NKAIN2: variants seen among roughly 807,000 people sequenced by gnomAD.
The protein encoded by NKAIN2 is sodium/potassium-transporting ATPase subunit beta-1-interacting protein 2.
A neutral mutation model predicts 32.6 loss-of-function variants in NKAIN2; 14 were observed. That is an observed-to-expected ratio of 0.43 (90% CI 0.28 to 0.67). The LOEUF is 0.67. Among genes scored for constraint, NKAIN2 ranks in the 30% least tolerant of loss-of-function variants. The probability of loss-of-function intolerance (pLI) is 0.17; values close to 1 mark genes in which losing one functional copy is unlikely to be tolerated. For synonymous variants in NKAIN2, 80 were observed against 87.2 expected (o/e 0.92, Z 0.46); for missense variants, 198 against 258.3 (o/e 0.77, Z 1.60).
intron 1 of NKAIN2, among the ~76,000 whole-genome samples, chr6:124,185,230 A>C (rs2114560743): frequency 6.6e-6 from 1 of 152,200 alleles, no homozygotes; most frequent in East Asian, 1.9e-4. Flanking sequence ...ATCGTACAGT[A>C]GTTTTGTGCA....
At chr6:124,604,817 G>A (rs544448734) in intron 3 of NKAIN2, among the ~76,000 whole-genome samples, 60 of 151,862 alleles carry the variant, frequency 4.0e-4, no homozygotes, top group Non-Finnish European at 6.3e-4. Context: ...TAAGCTCTAG[G>A]CTCAGTGGCC....
intron 1 of NKAIN2, among the ~76,000 whole-genome samples, chr6:124,130,581 G>A (rs966841849): frequency 7.4e-5 from 11 of 149,584 alleles, no homozygotes; most frequent in Admixed American, 5.4e-4. Context: ...ATATCATATA[G>A]GTATGGTAAG....
At chr6:124,493,710 C>CG (rs1442423771) in intron 3 of NKAIN2, among the ~76,000 whole-genome samples, 10 of 105,274 alleles carry the variant, frequency 9.5e-5, no homozygotes, top group African/African-American at 2.0e-4. Flanking sequence ...ACACCAACCC[C>CG]CCCCTCCAAA....
At chr6:124,209,661 A>G (rs1348104165) in intron 1 of NKAIN2, among the ~76,000 whole-genome samples, 1 of 151,926 alleles carries the variant, frequency 6.6e-6, no homozygotes, top group Non-Finnish European at 1.5e-5. Context: ...AACAATGGTA[A>G]GATGATCTCA....
chr6:123,845,624 C>CTGGA (rs1409529945), intron 1 of NKAIN2, among the ~76,000 whole-genome samples: 1 of 152,158 alleles, frequency 6.6e-6, no homozygotes, highest in East Asian at 1.9e-4. Context: ...ACAGTATTTT[C>CTGGA]TGGATGTGAA....
chr6:124,087,788 C>A (rs908584174), intron 1 of NKAIN2, among the ~76,000 whole-genome samples: 1 of 151,906 alleles, frequency 6.6e-6, no homozygotes, highest in Non-Finnish European at 1.5e-5. Flanking sequence ...AATTAGCATG[C>A]CTTATTAGCA....
At chr6:124,148,582 T>C (rs1787545317) in intron 1 of NKAIN2, among the ~76,000 whole-genome samples, 1 of 152,190 alleles carries the variant, frequency 6.6e-6, no homozygotes, top group South Asian at 2.1e-4. Flanking sequence ...CAATATGTGG[T>C]GTTTGGGACT....
intron 3 of NKAIN2, among the ~76,000 whole-genome samples, chr6:124,409,727 T>G (rs969024175): frequency 6.6e-6 from 1 of 152,208 alleles, no homozygotes; most frequent in African/African-American, 2.4e-5. Flanking sequence ...TAGGGAGGAT[T>G]CCCTCTTTTT....
intron 3 of NKAIN2, among the ~76,000 whole-genome samples, chr6:124,392,235 A>T (rs975854192): frequency 6.6e-6 from 1 of 152,150 alleles, no homozygotes; most frequent in Non-Finnish European, 1.5e-5. Flanking sequence ...TTAAAATGGT[A>T]GTTCACACAA....
At chr6:123,900,786 CT>C (rs1413173875) in intron 1 of NKAIN2, among the ~76,000 whole-genome samples, 1 of 151,930 alleles carries the variant, frequency 6.6e-6, no homozygotes, top group East Asian at 1.9e-4. Flanking sequence ...CAGCTTTTCT[CT>C]TTGCAGGACA....
intron 1 of NKAIN2, among the ~76,000 whole-genome samples, chr6:123,908,922 G>A (rs1272464113): frequency 6.6e-6 from 1 of 152,090 alleles, no homozygotes; most frequent in Admixed American, 6.6e-5. Context: ...AATTGCATAT[G>A]TTAGCAATTC....
intron 3 of NKAIN2, among the ~76,000 whole-genome samples, chr6:124,506,296 A>G (rs1487128650): frequency 6.6e-6 from 1 of 152,180 alleles, no homozygotes; most frequent in Non-Finnish European, 1.5e-5. Flanking sequence ...GCCTTTTTAT[A>G]TTGCCCTATA....
At chr6:124,762,173 T>C (rs75798921) in intron 4 of NKAIN2, among the ~76,000 whole-genome samples, 10,129 of 152,200 alleles carry the variant, frequency 0.067, 415 homozygotes, top group East Asian at 0.14. Flanking sequence ...GATCAAGGTG[T>C]TGGCAGGTCT....
intron 3 of NKAIN2, among the ~76,000 whole-genome samples, chr6:124,547,398 GT>G (rs1780133508): frequency 6.6e-6 from 1 of 152,010 alleles, no homozygotes; most frequent in South Asian, 2.1e-4. Context: ...ATGATATGAA[GT>G]ATTCAGGGTC....
intron 1 of NKAIN2, among the ~76,000 whole-genome samples, chr6:124,033,745 G>C (rs1302386411): frequency 6.6e-6 from 1 of 152,086 alleles, no homozygotes; most frequent in Non-Finnish European, 1.5e-5. Flanking sequence ...CAGGGAAACA[G>C]GAATAATGCA....
intron 1 of NKAIN2, among the ~76,000 whole-genome samples, chr6:124,059,138 A>T (rs1054652385): frequency 1.4e-4 from 21 of 152,218 alleles, no homozygotes; most frequent in African/African-American, 4.8e-4. Flanking sequence ...TGTGCAAATG[A>T]CTGCAACTAG....
At chr6:124,451,527 T>C (rs1174637329) in intron 3 of NKAIN2, among the ~76,000 whole-genome samples, 3 of 152,136 alleles carry the variant, frequency 2.0e-5, no homozygotes, top group Non-Finnish European at 4.4e-5. Flanking sequence ...CATTTTCAGA[T>C]AGTTATTCGC....
intron 3 of NKAIN2, among the ~76,000 whole-genome samples, chr6:124,647,900 G>A (rs982936504): frequency 6.6e-6 from 1 of 152,178 alleles, no homozygotes; most frequent in Non-Finnish European, 1.5e-5. Flanking sequence ...AACATGCTCT[G>A]TAAAACAAGA....
intron 2 of NKAIN2, among the ~76,000 whole-genome samples, chr6:124,326,581 G>C (rs896047624): frequency 6.6e-5 from 10 of 152,024 alleles, no homozygotes; most frequent in Non-Finnish European, 1.0e-4. Context: ...TCTGCTCTCT[G>C]GATGCATTTC....
Sources: gnomAD v4.1 joint callset for allele counts (sites outside exome capture counted in the v4.1 genomes callset) on GRCh38, gnomAD v4.1.1 for gene constraint, MANE v1.5 for transcripts, NCBI Gene and HGNC (gene_info 2026-07-23, HGNC 2026-07-21) for gene names.